IL20RA: variants seen among roughly 807,000 people sequenced by gnomAD.
The protein encoded by IL20RA is interleukin-20 receptor subunit alpha.
Under a neutral mutation model 36.5 loss-of-function variants are expected in IL20RA, and 29 were observed. The observed-to-expected ratio is 0.79, with a 90% CI of 0.59 to 1.08. The LOEUF (loss-of-function observed/expected upper bound fraction) is 1.08, where lower values mean the gene tolerates loss of function less well. Ranked by LOEUF, IL20RA falls within the 50% of genes least tolerant of loss-of-function variation. IL20RA has a pLI of 0.00. For missense variants in IL20RA, 652 were observed against 668.4 expected (o/e 0.98, Z 0.27); for synonymous variants, 279 against 267.1 (o/e 1.04, Z -0.43).
At chr6:137,025,333 T>C (rs144818649) in intron 1 of IL20RA, among the ~76,000 whole-genome samples, 148 of 152,260 alleles carry the variant, frequency 9.7e-4, no homozygotes, top group Admixed American at 2.4e-3. Flanking sequence ...CCTTCCAACA[T>C]GTGAGGACAT....
intron 1 of IL20RA, among the ~76,000 whole-genome samples, chr6:137,032,052 C>CA (rs11379045): frequency 0.29 from 17,376 of 60,944 alleles, 1,771 homozygotes; most frequent in East Asian, 0.45. Flanking sequence ...GATTCTGTCT[C>CA]AAAAAAAAAA....
intron 6 of IL20RA, among the ~76,000 whole-genome samples, chr6:137,004,174 T>TTTTTTTTTTTTTTTTTTTG (rs1562228088): frequency 8.0e-6 from 1 of 124,448 alleles, no homozygotes; most frequent in Non-Finnish European, 1.7e-5. Context: ...TTTTTTTTTT[T>TTTTTTTTTTTTTTTTTTTG]TTTTTTTTTT....
chr6:137,022,273 G>C (rs1419949583), intron 1 of IL20RA, among the ~76,000 whole-genome samples: 2 of 152,100 alleles, frequency 1.3e-5, no homozygotes, highest in Admixed American at 6.6e-5. Flanking sequence ...TGGTCCTAGG[G>C]AATGCAAGCA....
At chr6:137,022,861 A>G (rs1469338405) in intron 1 of IL20RA, among the ~76,000 whole-genome samples, 3 of 152,220 alleles carry the variant, frequency 2.0e-5, no homozygotes, top group Non-Finnish European at 2.9e-5. Context: ...AAGCCAAGAA[A>G]TGACTGGGAC....
intron 1 of IL20RA, among the ~76,000 whole-genome samples, chr6:137,021,278 G>T (rs1775894447): frequency 6.6e-6 from 1 of 152,188 alleles, no homozygotes; most frequent in Non-Finnish European, 1.5e-5. Flanking sequence ...CTGCAAAGAG[G>T]AGTTAAAAGA....
intron 5 of IL20RA, among the ~76,000 whole-genome samples, chr6:137,006,099 G>A (rs1775267588): frequency 6.6e-6 from 1 of 152,174 alleles, no homozygotes; most frequent in Non-Finnish European, 1.5e-5. Context: ...AAACCAGCAG[G>A]AGTGTGACCG....
In IL20RA at chr6:137,005,635, C is replaced by A. The variant is rs865986599; in HGVS notation, c.725-875G>T. Among the ~76,000 whole-genome samples the A allele has an allele frequency of 9.9e-5, 15 of 152,194 alleles. No homozygotes were observed. In the Middle Eastern group the frequency reaches 0.01, roughly 104 times the overall value. On this transcript the variant is annotated intron_variant, in intron 5 of 6. Coordinates refer to ENST00000316649, the MANE Select transcript of IL20RA (RefSeq NM_014432.4). ...TGGCTAAACATTATTCTAGAGCCTT[C>A]TGTGAAGGTTTTTGTTGTTGTTGTT...
chr6:137,016,772 C>T (rs1002021200), intron 2 of IL20RA, among the ~76,000 whole-genome samples, 196 bp downstream of exon 2: 1 of 152,124 alleles, frequency 6.6e-6, no homozygotes, highest in Non-Finnish European at 1.5e-5. Flanking sequence ...CCTGAGCCCC[C>T]CAATGCCTCT....
intron 3 of IL20RA, among the ~76,000 whole-genome samples, chr6:137,010,084 G>T (rs1775432541): frequency 6.6e-6 from 1 of 152,198 alleles, no homozygotes; most frequent in Non-Finnish European, 1.5e-5. Context: ...ACAGTAGATG[G>T]TTAATACAAT....
chr6:137,017,210 T>C (rs1327861875), intron 1 of IL20RA, 107 bp from the exon 2 acceptor site: 2 of 776,272 alleles, frequency 2.6e-6, no homozygotes, highest in Non-Finnish European at 4.2e-6. Flanking sequence ...CCTTCCAGTA[T>C]GCATGCCCTA....
At chr6:137,033,005 G>A (rs1776353540) in intron 1 of IL20RA, among the ~76,000 whole-genome samples, 1 of 152,328 alleles carries the variant, frequency 6.6e-6, no homozygotes, top group African/African-American at 2.4e-5. Flanking sequence ...CCACAAAGAA[G>A]AGTCCAAGTC....
At chr6:137,039,247 T>G (rs965181826) in intron 1 of IL20RA, among the ~76,000 whole-genome samples, 9 of 152,088 alleles carry the variant, frequency 5.9e-5, no homozygotes, top group Non-Finnish European at 1.2e-4. Flanking sequence ...GGAAGCTGAG[T>G]AGTTCTAGGC....
At chr6:137,005,151 C>T (rs151323977) in intron 5 of IL20RA, among the ~76,000 whole-genome samples, 4 of 152,310 alleles carry the variant, frequency 2.6e-5, no homozygotes, top group Non-Finnish European at 5.9e-5. Flanking sequence ...CAAAACCCTC[C>T]AGTGAAGATC....
chr6:137,009,111 A>G, intron 4 of IL20RA: 1 of 618,336 alleles, frequency 1.6e-6, no homozygotes, highest in East Asian at 2.7e-5. Flanking sequence ...ACAACACCAT[A>G]TCCTGTCAAC....
intron 1 of IL20RA, among the ~76,000 whole-genome samples, chr6:137,028,799 T>G (rs909269509): frequency 6.6e-6 from 1 of 152,176 alleles, no homozygotes; most frequent in Non-Finnish European, 1.5e-5. Context: ...GCTCATGGCA[T>G]TTGAGGGATG....
chr6:137,024,329 C>T (rs964256553), intron 1 of IL20RA, among the ~76,000 whole-genome samples: 1 of 152,170 alleles, frequency 6.6e-6, no homozygotes, highest in African/African-American at 2.4e-5. Context: ...CTGATAAGGT[C>T]ATTGAATCAA....
intron 6 of IL20RA, 66 bp downstream of exon 6, chr6:137,004,555 C>G: frequency 1.4e-6 from 2 of 1,418,702 alleles, no homozygotes; most frequent in Non-Finnish European, 2.0e-6. Context: ...TGTTCTAGAA[C>G]CTCCTCTTCT....
chr6:137,043,109 T>C (rs576598416), intron 1 of IL20RA, among the ~76,000 whole-genome samples: 62 of 152,340 alleles, frequency 4.1e-4, no homozygotes, highest in African/African-American at 1.4e-3. Context: ...TCACTTTCTT[T>C]GTTTTTGGTT....
Position 137,044,709 on chromosome 6 carries a change from G to A in IL20RA, c.20C>T (p.Pro7Leu), listed in dbSNP as rs1776842901. 2 of 1,220,302 alleles carry A rather than the reference G, an allele frequency of 1.6e-6. No homozygotes were observed. The highest frequency in any genetic ancestry group is 2.0e-6 in the Non-Finnish European group (2 of 980,848). The allele number at this position is 1,220,302 out of a possible 1,614,324, so 75.6% of individuals were successfully genotyped here. ...CGGCAGCGGCAGCGGCCGCAGGGCC[G>A]GGCGGCCGGGAGCCCGCATGGGCGG... MRAPGR[P>L]ALRPLPLPPL... The change falls in exon 1 of 7, where the codon CCG (proline) becomes CTG (leucine). Residue 7 changes from proline to leucine, a missense_variant. Physicochemically the swap from Pro to Leu is moderately conservative, Grantham distance 98. Coordinates refer to ENST00000316649, the MANE Select transcript of IL20RA (RefSeq NM_014432.4).
Sources: allele counts gnomAD v4.1 joint callset (sites outside exome capture counted in the v4.1 genomes callset), GRCh38; gene constraint gnomAD v4.1.1; transcripts MANE v1.5; gene names NCBI Gene and HGNC (gene_info 2026-07-23, HGNC 2026-07-21).